The following ZMAT4 variants were observed in gnomAD, a reference collection of about 807,000 sequenced individuals.
ZMAT4 encodes the protein zinc finger matrin-type 4.
Under a neutral mutation model 28.7 loss-of-function variants are expected in ZMAT4, and 17 were observed. The observed-to-expected ratio is 0.59, with a 90% CI of 0.41 to 0.89. The LOEUF (loss-of-function observed/expected upper bound fraction) is 0.89. Among genes scored for constraint, ZMAT4 ranks in the 40% least tolerant of loss-of-function variants. The pLI is 0.00. For missense variants in ZMAT4, 240 were observed against 283.8 expected (o/e 0.85, Z 1.11); for synonymous variants, 117 against 109.2 (o/e 1.07, Z -0.44).
chr8:40,588,320 T>A (rs756758069), intron 5 of ZMAT4, among the ~76,000 whole-genome samples: 1 of 151,928 alleles, frequency 6.6e-6, no homozygotes, highest in Non-Finnish European at 1.5e-5. Flanking sequence ...AAAGAGACCA[T>A]TAGGAAAACA....
intron 3 of ZMAT4, among the ~76,000 whole-genome samples, chr8:40,749,334 C>T (rs562271715): frequency 6.6e-6 from 1 of 152,238 alleles, no homozygotes; most frequent in African/African-American, 2.4e-5. Context: ...CTTAGATTAT[C>T]ATATTTATTC....
At chr8:40,809,075 T>C (rs1815211209) in intron 2 of ZMAT4, among the ~76,000 whole-genome samples, 1 of 152,112 alleles carries the variant, frequency 6.6e-6, no homozygotes, top group African/African-American at 2.4e-5. Context: ...TACCCATCAA[T>C]GGTGCATTGG....
intron 5 of ZMAT4, among the ~76,000 whole-genome samples, chr8:40,635,112 C>CA (rs1336307194): frequency 2.0e-5 from 3 of 151,960 alleles, no homozygotes; most frequent in South Asian, 2.1e-4. Flanking sequence ...AACTGAATTC[C>CA]AAAAAAATCT....
chr8:40,839,002 G>T (rs528311919), intron 1 of ZMAT4, among the ~76,000 whole-genome samples: 2 of 152,290 alleles, frequency 1.3e-5, no homozygotes, highest in African/African-American at 4.8e-5. Context: ...GGAAAGTGAT[G>T]AAACTTATCC....
intron 3 of ZMAT4, among the ~76,000 whole-genome samples, chr8:40,754,358 A>C (rs537742980): frequency 6.6e-6 from 1 of 152,160 alleles, no homozygotes; most frequent in African/African-American, 2.4e-5. Flanking sequence ...TGTCTTTCCA[A>C]TGAATCCTTC....
intron 5 of ZMAT4, among the ~76,000 whole-genome samples, chr8:40,584,900 C>T (rs1804616306): frequency 6.6e-6 from 1 of 152,170 alleles, no homozygotes; most frequent in African/African-American, 2.4e-5. Flanking sequence ...TCCCAAAGTG[C>T]TGGGATTACA....
intron 6 of ZMAT4, among the ~76,000 whole-genome samples, chr8:40,559,418 G>A (rs1261331313): frequency 6.6e-6 from 1 of 152,016 alleles, no homozygotes; most frequent in Non-Finnish European, 1.5e-5. Flanking sequence ...TCATGAATAT[G>A]CATTCCTCCT....
intron 5 of ZMAT4, among the ~76,000 whole-genome samples, chr8:40,636,047 G>C (rs1462412203): frequency 6.6e-6 from 1 of 152,194 alleles, no homozygotes; most frequent in South Asian, 2.1e-4. Context: ...TGTAAGGTGT[G>C]TTGTGCAGAA....
intron 1 of ZMAT4, among the ~76,000 whole-genome samples, chr8:40,848,156 C>T (rs953866599): frequency 6.6e-6 from 1 of 152,204 alleles, no homozygotes; most frequent in African/African-American, 2.4e-5. Flanking sequence ...CGAAACCCAA[C>T]AGCCTAGAGA....
At chr8:40,825,524 C>A (rs3750202) in intron 2 of ZMAT4, 51 bp downstream of exon 2, 1 of 1,475,220 alleles carries the variant, frequency 6.8e-7, no homozygotes, top group Non-Finnish European at 9.2e-7. Flanking sequence ...AACAATGACC[C>A]GGGCTGCTCC....
At chr8:40,879,762 A>G (rs1193538937) in intron 1 of ZMAT4, among the ~76,000 whole-genome samples, 1 of 152,216 alleles carries the variant, frequency 6.6e-6, no homozygotes, top group Non-Finnish European at 1.5e-5. Context: ...CTCTATTAGC[A>G]TTTTGGCGTA....
chr8:40,679,076 C>T lies in ZMAT4; in HGVS notation c.350-4145G>A, dbSNP rs377376634. 6.5e-4 allele frequency among the ~76,000 whole-genome samples: 99 copies of T among 152,176 alleles called. 2 individuals carry two copies. In the South Asian group the frequency reaches 0.02, roughly 31 times the overall value. ...TCAGAGTCTATAAAATCAATGCAAG[C>T]CCTCTAAGGCTTGAGCTAATTGAAG... On this transcript the variant is annotated intron_variant, in intron 4 of 6. Transcript: ENST00000297737.
chr8:40,595,779 A>C (rs1805069633), intron 5 of ZMAT4, among the ~76,000 whole-genome samples: 1 of 152,184 alleles, frequency 6.6e-6, no homozygotes, highest in South Asian at 2.1e-4. Context: ...TTATGTAAAA[A>C]GTACTATAAA....
intron 6 of ZMAT4, among the ~76,000 whole-genome samples, chr8:40,578,765 A>G (rs1016904220): frequency 6.6e-6 from 1 of 152,294 alleles, no homozygotes; most frequent in East Asian, 1.9e-4. Context: ...AATGAATAAC[A>G]TCTTATTTAT....
At chr8:40,596,583 C>T (rs900527500) in intron 5 of ZMAT4, among the ~76,000 whole-genome samples, 1 of 152,162 alleles carries the variant, frequency 6.6e-6, no homozygotes, top group African/African-American at 2.4e-5. Flanking sequence ...CAGGACATCA[C>T]TAGGTGACAG....
At chr8:40,729,258 C>T (rs376863920) in intron 3 of ZMAT4, among the ~76,000 whole-genome samples, 83 of 152,188 alleles carry the variant, frequency 5.5e-4, no homozygotes, top group African/African-American at 1.7e-3. Context: ...CTAGGAGGTA[C>T]GGTACAAATC....
At chr8:40,564,140 T>C (rs1433944616) in intron 6 of ZMAT4, among the ~76,000 whole-genome samples, 1 of 152,194 alleles carries the variant, frequency 6.6e-6, no homozygotes, top group African/African-American at 2.4e-5. Flanking sequence ...AGTTCCAGAA[T>C]ACTTGAAATA....
chr8:40,765,538 G>T (rs1813121559), intron 3 of ZMAT4, among the ~76,000 whole-genome samples: 1 of 152,172 alleles, frequency 6.6e-6, no homozygotes, highest in Non-Finnish European at 1.5e-5. Flanking sequence ...GGTAGATCAA[G>T]GTTTTTCAAA....
rs146053718 is a variant in ZMAT4, at chr8:40,555,045, C to A, written c.675-22807G>T. Among the ~76,000 whole-genome samples, 398 of 152,246 alleles carry A rather than the reference C, an allele frequency of 2.6e-3. 1 individual carries two copies. The highest frequency in any genetic ancestry group is 9.0e-3 in the African/African-American group (376 of 41,582). ...TATCTCCATGAGATTAACTTTTATACCTCCTACACATGAGTGAGAACATGT... is the reference window on the plus strand; with the variant it reads ...TATCTCCATGAGATTAACTTTTATAACTCCTACACATGAGTGAGAACATGT... On this transcript the variant is annotated intron_variant, in intron 6 of 6. Transcript: ENST00000297737.
Sources: gnomAD v4.1 joint callset for allele counts (sites outside exome capture counted in the v4.1 genomes callset) on GRCh38, gnomAD v4.1.1 for gene constraint, MANE v1.5 for transcripts, NCBI Gene and HGNC (gene_info 2026-07-23, HGNC 2026-07-21) for gene names.